MTUS2: variants seen among roughly 807,000 people sequenced by gnomAD.
MTUS2 encodes microtubule-associated tumor suppressor candidate 2.
A neutral mutation model predicts 114.1 loss-of-function variants in MTUS2; 40 were observed. That is an observed-to-expected ratio of 0.35 (90% CI 0.27 to 0.46). MTUS2 has a LOEUF of 0.46. Ranked by LOEUF, MTUS2 falls within the 20% of genes least tolerant of loss-of-function variation. The pLI, the probability that MTUS2 is intolerant of heterozygous loss-of-function variation, is 1.00. For missense variants in MTUS2, 1,679 were observed against 1,705.4 expected (o/e 0.98, Z 0.27); for synonymous variants, 688 against 672.0 (o/e 1.02, Z -0.37).
At position 29,191,687 on chromosome 13, in the gene MTUS2, A is replaced by G. The variant is rs539822665; in HGVS notation, c.2645-90017A>G. ...TCCTGGAGATCTTGGGTGTGAAGCA[A>G]ACTGTCAGCCCACCATTCCCTGGCT... On this transcript the variant is annotated intron_variant, in intron 5 of 15. Coordinates refer to ENST00000612955, the MANE Select transcript of MTUS2 (RefSeq NM_001033602.4). Among the ~76,000 whole-genome samples the G allele has an allele frequency of 5.3e-5, 8 of 152,238 alleles. No individual in the cohort carries two copies. The South Asian group carries it at 1.7e-3, about 32-fold the overall frequency.
At chr13:28,964,557 C>T (rs150289009) in intron 2 of MTUS2, among the ~76,000 whole-genome samples, 16 of 151,814 alleles carry the variant, frequency 1.1e-4, no homozygotes, top group South Asian at 2.1e-4. Flanking sequence ...TTGAGAGGTA[C>T]GCTGAATTAT....
At chr13:29,477,580 T>C (rs1052022217) in intron 9 of MTUS2, among the ~76,000 whole-genome samples, 1 of 151,802 alleles carries the variant, frequency 6.6e-6, no homozygotes, top group Admixed American at 6.6e-5. Context: ...GGGAGGACCC[T>C]GGGGGTCCCC....
intron 7 of MTUS2, among the ~76,000 whole-genome samples, chr13:29,342,941 G>A (rs180724356): frequency 3.7e-4 from 56 of 152,140 alleles, no homozygotes; most frequent in African/African-American, 1.2e-3. Context: ...TTTTAATTCT[G>A]TTTATATGGT....
intron 5 of MTUS2, among the ~76,000 whole-genome samples, chr13:29,126,437 C>G (rs1891519828): frequency 6.6e-6 from 1 of 152,146 alleles, no homozygotes; most frequent in Non-Finnish European, 1.5e-5. Context: ...CTGCCACTTA[C>G]CCCTCTCGCT....
At chr13:29,377,629 C>T (rs1285070189) in intron 8 of MTUS2, among the ~76,000 whole-genome samples, 1 of 151,508 alleles carries the variant, frequency 6.6e-6, no homozygotes, top group Non-Finnish European at 1.5e-5. Flanking sequence ...AAAGTAGTGC[C>T]TAGAAAGGTA....
chr13:29,328,008 T>G (rs1900598889), intron 7 of MTUS2, among the ~76,000 whole-genome samples: 1 of 152,230 alleles, frequency 6.6e-6, no homozygotes, highest in Non-Finnish European at 1.5e-5. Flanking sequence ...TGACTATCTT[T>G]CTATGTGTTT....
intron 9 of MTUS2, among the ~76,000 whole-genome samples, chr13:29,475,009 A>G (rs1410955147): frequency 6.6e-6 from 1 of 152,198 alleles, no homozygotes; most frequent in Non-Finnish European, 1.5e-5. Context: ...AACAAAATAA[A>G]TGATTAGCAT....
At chr13:29,494,864 C>A (rs1424547626) in intron 12 of MTUS2, among the ~76,000 whole-genome samples, 1 of 151,772 alleles carries the variant, frequency 6.6e-6, no homozygotes, top group African/African-American at 2.4e-5. Context: ...CATGGTGAAA[C>A]CTGTCTCTAC....
At chr13:29,185,780 T>C (rs1156975081) in intron 5 of MTUS2, among the ~76,000 whole-genome samples, 1 of 152,184 alleles carries the variant, frequency 6.6e-6, no homozygotes, top group African/African-American at 2.4e-5. Flanking sequence ...ATATTAAAAA[T>C]AATCCTTTGA....
intron 5 of MTUS2, among the ~76,000 whole-genome samples, chr13:29,253,606 A>T (rs1465971513): frequency 6.6e-6 from 1 of 152,130 alleles, no homozygotes; most frequent in East Asian, 1.9e-4. Context: ...TATGGGATAC[A>T]TCAGTGAATA....
chr13:29,082,295 A>G (rs538160865), intron 4 of MTUS2, among the ~76,000 whole-genome samples: 2 of 152,328 alleles, frequency 1.3e-5, no homozygotes, highest in Admixed American at 1.3e-4. Context: ...TAAGCCACCC[A>G]GTCTGTGGCA....
chr13:28,974,516 C>T (rs979165777), intron 2 of MTUS2, among the ~76,000 whole-genome samples: 13 of 152,100 alleles, frequency 8.5e-5, no homozygotes, highest in Middle Eastern at 3.2e-3. Context: ...TTGTTTCCTC[C>T]TGGGTGTGTA....
At chr13:29,051,123 AGTTGTGAG>A (rs747807481) in intron 4 of MTUS2, among the ~76,000 whole-genome samples, 20 of 152,204 alleles carry the variant, frequency 1.3e-4, no homozygotes, top group Non-Finnish European at 2.2e-4. Context: ...CGGAGAGGTC[AGTTGTGAG>A]CTGTTAGAGT....
intron 9 of MTUS2, among the ~76,000 whole-genome samples, chr13:29,449,885 G>T (rs1396094647): frequency 6.6e-6 from 1 of 152,170 alleles, no homozygotes; most frequent in African/African-American, 2.4e-5. Flanking sequence ...CGAAACAATG[G>T]TAGCTTAAGG....
intron 1 of MTUS2, among the ~76,000 whole-genome samples, chr13:28,838,610 C>T (rs988532401): frequency 1.3e-5 from 2 of 152,178 alleles, no homozygotes; most frequent in Non-Finnish European, 2.9e-5. Flanking sequence ...GCATCTTGTC[C>T]CTCGCTTGCT....
At chr13:28,852,490 TAA>T (rs1876343820) in intron 2 of MTUS2, among the ~76,000 whole-genome samples, 1 of 152,156 alleles carries the variant, frequency 6.6e-6, no homozygotes, top group Non-Finnish European at 1.5e-5. Flanking sequence ...AAAGGGAGGC[TAA>T]TGGTCTTCCA....
At chr13:29,194,797 C>T (rs1469651420) in intron 5 of MTUS2, among the ~76,000 whole-genome samples, 2 of 151,962 alleles carry the variant, frequency 1.3e-5, no homozygotes, top group Admixed American at 6.6e-5. Context: ...CATGCACATG[C>T]ATGTTTATTG....
chr13:29,225,064 C>G (rs1896052022), intron 5 of MTUS2, among the ~76,000 whole-genome samples: 1 of 152,194 alleles, frequency 6.6e-6, no homozygotes, highest in African/African-American at 2.4e-5. Flanking sequence ...CAGTGAGCAG[C>G]AGGCTTTGCT....
At chr13:29,267,351 G>A (rs894087544) in intron 5 of MTUS2, among the ~76,000 whole-genome samples, 3 of 152,076 alleles carry the variant, frequency 2.0e-5, no homozygotes, top group African/African-American at 7.2e-5. Flanking sequence ...GTTTCCCCTC[G>A]TCCACCCTTG....
Sources: allele counts gnomAD v4.1 joint callset (sites outside exome capture counted in the v4.1 genomes callset), GRCh38; gene constraint gnomAD v4.1.1; transcripts MANE v1.5; gene names NCBI Gene and HGNC (gene_info 2026-07-23, HGNC 2026-07-21).